Variants in PSMD12 observed in about 807,000 individuals in gnomAD.
PSMD12 encodes proteasome 26S subunit, non-ATPase 12.
PSMD12 carries 8 observed loss-of-function variants against 62.9 expected under a neutral mutation model. That is an observed-to-expected ratio of 0.13 (90% CI 0.07 to 0.23). The LOEUF (loss-of-function observed/expected upper bound fraction) is 0.23, where lower values mean the gene tolerates loss of function less well. PSMD12 is among the 10% of genes least tolerant of loss of function. The pLI is 1.00. For synonymous variants in PSMD12, 173 were observed against 187.4 expected (o/e 0.92, Z 0.63); for missense variants, 424 against 550.2 (o/e 0.77, Z 2.29).
Position 67,338,314 on chromosome 17 carries a change from A to C in PSMD12, c.*2529T>G, listed in dbSNP as rs747680538. 4 of 152,310 alleles carry C rather than the reference A, an allele frequency of 2.6e-5. No individual in the cohort carries two copies. The highest frequency in any genetic ancestry group is 3.4e-3 in the Middle Eastern group (1 of 294). The allele number at this position is 152,310 out of a possible 1,614,324, so 9.4% of individuals were successfully genotyped here. ...GCCAGCTTTAGGTCTGAAATGTAAA[A>C]CAGGATTAATTGAGGTTCCGAACAA... On this transcript the variant is annotated 3_prime_UTR_variant, in exon 11 of 11. Transcript: ENST00000356126.
intron 3 of PSMD12, among the ~76,000 whole-genome samples, chr17:67,352,278 G>A (rs1226706638): frequency 6.6e-6 from 1 of 151,808 alleles, no homozygotes; most frequent in Admixed American, 6.6e-5. Context: ...AAGTTTTTTT[G>A]TAAAGACAGG....
intron 1 of PSMD12, among the ~76,000 whole-genome samples, chr17:67,359,136 C>G (rs1343945541): frequency 6.6e-6 from 1 of 152,078 alleles, no homozygotes; most frequent in African/African-American, 2.4e-5. Flanking sequence ...TGGGAGGACA[C>G]TTGAGCCCAG....
intron 1 of PSMD12, among the ~76,000 whole-genome samples, chr17:67,362,602 C>A (rs2042142140): frequency 6.8e-6 from 1 of 147,076 alleles, no homozygotes. Flanking sequence ...ATGGAGGTTG[C>A]AGTGAGCCGA....
chr17:67,344,847 A>C, intron 8 of PSMD12, 67 bp from the exon 9 acceptor site: 3 of 1,273,642 alleles, frequency 2.4e-6, no homozygotes, highest in Non-Finnish European at 3.1e-6. Flanking sequence ...TATAATAGCA[A>C]AGTTCAAAAA....
In PSMD12 at chr17:67,357,590, G is replaced by A; in HGVS notation, c.109-12C>T. On this transcript the variant is annotated splice_polypyrimidine_tract_variant and intron_variant, in intron 1 of 10. Transcript: ENST00000356126. Reference sequence around the variant, plus strand: ...TGAAGTCTTCCTTCCTAAAACAAAAGATGAAAATGAACAATAAAAAAACAC... The same window carrying A: ...TGAAGTCTTCCTTCCTAAAACAAAAAATGAAAATGAACAATAAAAAAACAC... The A allele has an allele frequency of 6.2e-7, 1 of 1,608,520 alleles. No homozygotes were observed. The highest frequency in any genetic ancestry group is 8.5e-7 in the Non-Finnish European group (1 of 1,175,514).
rs762336722 is a variant in PSMD12 at position 67,341,023 on chromosome 17, T to C, written c.1191A>G (p.Val397=). 4 of 1,553,190 alleles carry C rather than the reference T, an allele frequency of 2.6e-6. No individual in the cohort carries two copies. The African/African-American group carries it at 4.3e-5, about 17-fold the overall frequency. Residue 397 remains valine (V), a synonymous_variant, in exon 11 of 11, where the codon GTA becomes GTG. Transcript: ENST00000356126. Reference sequence around the variant, plus strand: ...CTTTAGCAAAGATGGTCTTGTTAACTACTAGATTTGAGAGAAAGGCTTCGG... The same window carrying C: ...CTTTAGCAAAGATGGTCTTGTTAACCACTAGATTTGAGAGAAAGGCTTCGG... ...DESEAFLSNL[V]VNKTIFAKVD...
intron 10 of PSMD12, among the ~76,000 whole-genome samples, chr17:67,341,758 A>G (rs904033949): frequency 7.9e-5 from 12 of 152,196 alleles, no homozygotes; most frequent in African/African-American, 2.2e-4. Context: ...AGTATGTACC[A>G]CGGACAAGAC....
At chr17:67,356,643 G>A (rs941337401) in intron 3 of PSMD12, among the ~76,000 whole-genome samples, 3 of 145,016 alleles carry the variant, frequency 2.1e-5, no homozygotes, top group Non-Finnish European at 4.5e-5. Flanking sequence ...ATAAAAAGAT[G>A]TGCTTAATAA....
Position 67,340,695 on chromosome 17 carries a change from T to C in PSMD12, c.*148A>G, listed in dbSNP as rs1807389082. 4 of 540,478 alleles carry C rather than the reference T, an allele frequency of 7.4e-6. No homozygotes were observed. Among genetic ancestry groups the C allele is most frequent in the South Asian group, 9.3e-5 (2 of 21,512 alleles). The allele number at this position is 540,478 out of a possible 1,614,324, so 33.5% of individuals were successfully genotyped here. A position where few individuals can be genotyped will look rare whatever the true frequency, so the allele number is the denominator to read the frequency against. ...AAAGTTAACAATGAACTTGGGGAAC[T>C]GAAAGGTCAAAGGGAGTCTCAAACA... On this transcript the variant is annotated 3_prime_UTR_variant, in exon 11 of 11. Transcript: ENST00000356126.
intron 9 of PSMD12, among the ~76,000 whole-genome samples, chr17:67,343,997 C>T (rs945243815): frequency 3.9e-5 from 6 of 152,206 alleles, no homozygotes; most frequent in Admixed American, 6.5e-5. Context: ...AGCCACCACG[C>T]CCGGCCTAGG....
Position 67,344,530 on chromosome 17 carries a change from T to A in PSMD12, c.1083+76A>T, listed in dbSNP as rs1017708510. 9 of 1,345,538 alleles carry A rather than the reference T, an allele frequency of 6.7e-6. No homozygotes were observed. The Admixed American group carries it at 2.2e-4, about 34-fold the overall frequency. The allele number at this position is 1,345,538 out of a possible 1,614,324, so 83.3% of individuals were successfully genotyped here. A position where few individuals can be genotyped will look rare whatever the true frequency, so the allele number is the denominator to read the frequency against. ...AAATGAAATAGTTTATGCTCAAAAT[T>A]GCCAAAATTTAATTCTAAAAAGTAA... On this transcript the variant is annotated intron_variant, in intron 9 of 10. Coordinates refer to ENST00000356126, the MANE Select transcript of PSMD12 (RefSeq NM_002816.5).
intron 3 of PSMD12, among the ~76,000 whole-genome samples, chr17:67,356,545 G>T (rs1212355140): frequency 1.5e-5 from 1 of 68,040 alleles, no homozygotes; most frequent in African/African-American, 4.7e-5. Flanking sequence ...GCGACAGAGC[G>T]AGACTCCGTC....
Position 67,338,403 on chromosome 17 carries a change from T to C in PSMD12, c.*2440A>G, listed in dbSNP as rs2041878802. On this transcript the variant is annotated 3_prime_UTR_variant, in exon 11 of 11. Transcript: ENST00000356126. ...ATTTTGTAATACTAAGAAAATAAAT[T>C]GGTAAATACCTCATATATTTGCTGG... 1 of 152,234 alleles carries C rather than the reference T, an allele frequency of 6.6e-6. No homozygotes were observed. The highest frequency in any genetic ancestry group is 1.5e-5 in the Non-Finnish European group (1 of 68,046). 9.4% of individuals were successfully genotyped at this position (152,234 alleles called of 1,614,324 possible). A position where few individuals can be genotyped will look rare whatever the true frequency, so the allele number is the denominator to read the frequency against.
chr17:67,346,601 AG>A (rs1248760947), intron 7 of PSMD12, among the ~76,000 whole-genome samples: 1 of 152,066 alleles, frequency 6.6e-6, no homozygotes, highest in Admixed American at 6.6e-5. Context: ...AACAAAAAAA[AG>A]TCTTAAGGGG....
chr17:67,355,622 T>A (rs1001106827), intron 3 of PSMD12, among the ~76,000 whole-genome samples: 58 of 151,918 alleles, frequency 3.8e-4, no homozygotes, highest in Non-Finnish European at 1.5e-5. Flanking sequence ...AAGCAAGAAA[T>A]TAAAACCCAG....
Position 67,339,777 on chromosome 17 carries a change from C to A in PSMD12, c.*1066G>T, listed in dbSNP as rs2041893948. 6.6e-6 allele frequency: 1 copy of A among 151,966 alleles called. No homozygotes were observed. The highest frequency in any genetic ancestry group is 6.6e-5 in the Admixed American group (1 of 15,254). 9.4% of individuals were successfully genotyped at this position (151,966 alleles called of 1,614,324 possible). The stretch of plus-strand genomic sequence containing the variant: ...TCTGAAATAAATCAAATTAAACTTG[C>A]AAAATTCGTTCACACCAATTCATCT... On this transcript the variant is annotated 3_prime_UTR_variant, in exon 11 of 11. Coordinates refer to ENST00000356126, the MANE Select transcript of PSMD12 (RefSeq NM_002816.5).
At chr17:67,354,591 A>G (rs2042049389) in intron 3 of PSMD12, among the ~76,000 whole-genome samples, 1 of 152,182 alleles carries the variant, frequency 6.6e-6, no homozygotes, top group Admixed American at 6.5e-5. Flanking sequence ...AGCCCTTTCA[A>G]AATTGTCCCA....
chr17:67,361,513 G>A (rs1400953126), intron 1 of PSMD12, among the ~76,000 whole-genome samples: 1 of 152,064 alleles, frequency 6.6e-6, no homozygotes, highest in Non-Finnish European at 1.5e-5. Context: ...ACCCGGGAAC[G>A]GGAGGTTGCA....
At chr17:67,354,789 AGACCAACCT>A (rs1231161933) in intron 3 of PSMD12, among the ~76,000 whole-genome samples, 1 of 152,094 alleles carries the variant, frequency 6.6e-6, no homozygotes, top group Non-Finnish European at 1.5e-5. Context: ...CAGGAGTTCG[AGACCAACCT>A]GGGCAACATG....
Sources: allele counts gnomAD v4.1 joint callset (sites outside exome capture counted in the v4.1 genomes callset), GRCh38; gene constraint gnomAD v4.1.1; transcripts MANE v1.5; gene names NCBI Gene and HGNC (gene_info 2026-07-23, HGNC 2026-07-21).